SLIT3: variants seen among roughly 807,000 people sequenced by gnomAD.
SLIT3 encodes the protein slit homolog 3 protein.
Under a neutral mutation model 184.0 loss-of-function variants are expected in SLIT3, and 68 were observed. The ratio of observed to expected loss-of-function variants is 0.37; its 90% confidence interval spans 0.30 to 0.45. SLIT3 has a LOEUF of 0.45. Ranked by LOEUF, SLIT3 falls within the 20% of genes least tolerant of loss-of-function variation. The probability of loss-of-function intolerance (pLI) is 1.00; values close to 1 mark genes in which losing one functional copy is unlikely to be tolerated. For synonymous variants in SLIT3, 831 were observed against 828.6 expected (o/e 1.00, Z -0.05); for missense variants, 1,707 against 2,026.0 (o/e 0.84, Z 3.02).
intron 4 of SLIT3, among the ~76,000 whole-genome samples, chr5:169,044,404 C>T (rs1002453918): frequency 1.3e-5 from 2 of 152,026 alleles, no homozygotes; most frequent in Non-Finnish European, 2.9e-5. Context: ...ATTATTCAGC[C>T]ATAAAAAGAA....
chr5:169,084,328 A>C (rs1258746895), intron 4 of SLIT3, among the ~76,000 whole-genome samples: 1 of 148,640 alleles, frequency 6.7e-6, no homozygotes, highest in Non-Finnish European at 1.5e-5. Context: ...CTTGTTGCCC[A>C]GTCTGGGATG....
intron 6 of SLIT3, among the ~76,000 whole-genome samples, chr5:168,826,950 G>A (rs578111460): frequency 6.6e-6 from 1 of 152,250 alleles, no homozygotes; most frequent in South Asian, 2.1e-4. Context: ...TTTTAGTAGA[G>A]ACAGGGTTTT....
rs554331946 is a variant in SLIT3 at position 169,090,633 on chromosome 5, T to C, written c.413+102846A>G. On this transcript the variant is annotated intron_variant, in intron 4 of 35. Coordinates refer to ENST00000519560, the MANE Select transcript of SLIT3 (RefSeq NM_003062.4). ...TACCTTATATGACAAAAGATGTGACTAAGACGTGTTAAGGATCTTGAAAAG... is the reference window on the plus strand; with the variant it reads ...TACCTTATATGACAAAAGATGTGACCAAGACGTGTTAAGGATCTTGAAAAG... Among the ~76,000 whole-genome samples, 100 of 152,350 alleles carry C rather than the reference T, an allele frequency of 6.6e-4. 2 individuals carry two copies. The Middle Eastern group carries it at 0.014, about 21-fold the overall frequency.
At chr5:168,927,726 C>G (rs1407802690) in intron 4 of SLIT3, among the ~76,000 whole-genome samples, 1 of 152,220 alleles carries the variant, frequency 6.6e-6, no homozygotes, top group Admixed American at 6.5e-5. Flanking sequence ...CCCGCCCTTA[C>G]CATGTAGCTT....
At chr5:169,080,021 G>A (rs950214693) in intron 4 of SLIT3, among the ~76,000 whole-genome samples, 1 of 151,892 alleles carries the variant, frequency 6.6e-6, no homozygotes, top group African/African-American at 2.4e-5. Flanking sequence ...ATTTAAGGGG[G>A]GCTACTGCAA....
chr5:168,696,307 G>A lies in SLIT3; in HGVS notation c.3067C>T (p.Pro1023Ser). The change falls in exon 28 of 36, where the codon CCG becomes TCG. Residue 1023 changes from proline (P) to serine (S), a missense_variant. Physicochemically the swap from Pro to Ser is moderately conservative, Grantham distance 74. Around this residue, in one of 3 missense-constraint regions of SLIT3, gnomAD observed 1,307 missense variants for 1,511.6 expected, o/e 0.86. Coordinates refer to ENST00000519560, the MANE Select transcript of SLIT3 (RefSeq NM_003062.4). ...DGINNYVCIC[P>S]PNYTGELCDE... is the part of the protein sequence containing the mutation. ...AGATCCTTACCTGTGTAGTTAGGCG[G>A]ACAGATACACACGTAGTTGTTGATC... 6.2e-7 allele frequency: 1 copy of A among 1,614,172 alleles called. No homozygotes were observed. Among genetic ancestry groups the A allele is most frequent in the South Asian group, 1.1e-5 (1 of 91,080 alleles).
chr5:168,776,823 C>T (rs1755766419), intron 12 of SLIT3, among the ~76,000 whole-genome samples: 1 of 152,126 alleles, frequency 6.6e-6, no homozygotes, highest in African/African-American at 2.4e-5. Context: ...CCTTCACACA[C>T]ACAGTGTTTT....
chr5:169,268,737 G>C (rs1018391945), intron 1 of SLIT3, among the ~76,000 whole-genome samples: 6 of 152,026 alleles, frequency 3.9e-5, no homozygotes, highest in Non-Finnish European at 8.8e-5. Context: ...AACCTCAGAG[G>C]GTTTTTGAGA....
At chr5:169,014,298 C>A (rs887637387) in intron 4 of SLIT3, among the ~76,000 whole-genome samples, 1 of 152,138 alleles carries the variant, frequency 6.6e-6, no homozygotes, top group African/African-American at 2.4e-5. Flanking sequence ...CTCTCTCCAG[C>A]TATATATATC....
At chr5:168,833,622 T>G (rs1757949970) in intron 6 of SLIT3, among the ~76,000 whole-genome samples, 1 of 152,148 alleles carries the variant, frequency 6.6e-6, no homozygotes, top group Admixed American at 6.5e-5. Flanking sequence ...TCTAGCAAAA[T>G]GCTAGAGATT....
At chr5:168,896,932 G>A (rs930051564) in intron 4 of SLIT3, among the ~76,000 whole-genome samples, 2 of 152,310 alleles carry the variant, frequency 1.3e-5, no homozygotes, top group East Asian at 1.9e-4. Flanking sequence ...AGGAGGCTGG[G>A]GTCTGGGTGA....
chr5:168,825,271 C>G (rs932354045), intron 6 of SLIT3, among the ~76,000 whole-genome samples: 3 of 152,070 alleles, frequency 2.0e-5, no homozygotes, highest in African/African-American at 7.2e-5. Context: ...GCATACAGTG[C>G]CCCCCATATT....
intron 4 of SLIT3, chr5:169,120,026 C>T (rs886616505): frequency 3.9e-5 from 6 of 152,196 alleles, no homozygotes; most frequent in Non-Finnish European, 8.8e-5. Flanking sequence ...CAAATCCAGC[C>T]TTGGATGTGG....
chr5:168,800,591 A>AG (rs1756731802), intron 9 of SLIT3, among the ~76,000 whole-genome samples: 8 of 145,594 alleles, frequency 5.5e-5, no homozygotes, highest in East Asian at 4.3e-4. Context: ...CTGTCTCAAA[A>AG]AAAAGAAAGA....
intron 4 of SLIT3, among the ~76,000 whole-genome samples, chr5:169,055,809 G>A (rs1017886329): frequency 1.5e-4 from 22 of 149,384 alleles, no homozygotes; most frequent in Non-Finnish European, 2.8e-4. Context: ...CCAGCCTGGC[G>A]ACAGAGTGAA....
Position 168,723,209 on chromosome 5 carries a change from A to G in SLIT3, c.2340-205T>C, listed in dbSNP as rs563261220. 4.0e-5 allele frequency among the ~76,000 whole-genome samples: 6 copies of G among 151,670 alleles called. No individual in the cohort carries two copies. The South Asian group carries it at 1.3e-3, about 32-fold the overall frequency. On this transcript the variant is annotated intron_variant, in intron 21 of 35. Transcript: ENST00000519560. The stretch of plus-strand genomic sequence containing the variant: ...CTCCTGCTCACCCATCCGCTTTCCC[A>G]TCCATCCGTCCATCCATACATCTAC...
At chr5:169,120,736 C>A (rs915103012) in intron 4 of SLIT3, among the ~76,000 whole-genome samples, 1 of 152,212 alleles carries the variant, frequency 6.6e-6, no homozygotes, top group African/African-American at 2.4e-5. Context: ...ACCTTGAGAG[C>A]TGCATCCTAC....
intron 4 of SLIT3, among the ~76,000 whole-genome samples, chr5:169,140,483 A>C (rs1040202928): frequency 5.5e-4 from 38 of 69,488 alleles, no homozygotes; most frequent in Non-Finnish European, 8.6e-4. Flanking sequence ...TCTAACTCAA[A>C]AAAAAAAAAA....
At chr5:169,063,516 C>T (rs958439228) in intron 4 of SLIT3, among the ~76,000 whole-genome samples, 4 of 152,234 alleles carry the variant, frequency 2.6e-5, no homozygotes, top group Non-Finnish European at 4.4e-5. Flanking sequence ...TGACCCGCCT[C>T]GGGGGCACAC....
Sources: gnomAD v4.1 joint callset for allele counts (sites outside exome capture counted in the v4.1 genomes callset) on GRCh38, gnomAD v4.1.1 for gene constraint, gnomAD v4.1.1 regional missense constraint, MANE v1.5 for transcripts, NCBI Gene and HGNC (gene_info 2026-07-23, HGNC 2026-07-21) for gene names.